FGF14: variants seen among roughly 807,000 people sequenced by gnomAD.
FGF14 encodes fibroblast growth factor homologous factor 4.
FGF14 carries 5 observed loss-of-function variants against 25.5 expected under a neutral mutation model. The observed-to-expected ratio is 0.20, with a 90% confidence interval of 0.10 to 0.41. The LOEUF is 0.41. Ranked by LOEUF, FGF14 falls within the 10% of genes least tolerant of loss-of-function variation. The pLI, the probability that FGF14 is intolerant of heterozygous loss-of-function variation, is 1.00. For missense variants in FGF14, 222 were observed against 320.1 expected, an observed-to-expected ratio of 0.69 and a Z score of 2.34; for synonymous variants, 138 against 118.3, an observed-to-expected ratio of 1.17 and a Z score of -1.08.
intron 1 of FGF14, among the ~76,000 whole-genome samples, chr13:101,904,057 G>A (rs919530811): frequency 6.6e-6 from 1 of 152,100 alleles, no homozygotes; most frequent in African/African-American, 2.4e-5. Flanking sequence ...ATTCATGAGG[G>A]ACTCTACACA....
At chr13:101,940,861 A>T (rs910802419) in intron 1 of FGF14, among the ~76,000 whole-genome samples, 5 of 152,202 alleles carry the variant, frequency 3.3e-5, no homozygotes, top group Non-Finnish European at 5.9e-5. Flanking sequence ...AGAATTTTTT[A>T]AAAAATATTT....
intron 1 of FGF14, among the ~76,000 whole-genome samples, chr13:102,148,295 T>G (rs2046937963): frequency 6.6e-6 from 1 of 152,190 alleles, no homozygotes; most frequent in Admixed American, 6.5e-5. Context: ...AATTATAAAA[T>G]CACTTTAATT....
chr13:102,298,687 A>T (rs1409836391), intron 1 of FGF14, among the ~76,000 whole-genome samples: 1 of 152,122 alleles, frequency 6.6e-6, no homozygotes, highest in Non-Finnish European at 1.5e-5. Context: ...TTGCCTAATT[A>T]TACTGTGCTG....
chr13:102,161,632 AAGAAGAAGAAGAAGAAGAAGAAGAAG>A lies in FGF14; in HGVS notation c.208+239813_208+239838del. ...GAAGAAGAAGAAGAAGAAGAAGAAG[AAGAAGAAGAAGAAGAAGAAGAAGAAG>A]AAGAAGAAGAAGAAGAAGAAGAAGA... On this transcript the variant is annotated intron_variant, in intron 1 of 4. Coordinates refer to the FGF14 transcript ENST00000376131. Among the ~76,000 whole-genome samples, 77 of 12,118 alleles carry A rather than the reference AAGAAGAAGAAGAAGAAGAAGAAGAAG, an allele frequency of 6.4e-3. 7 individuals carry two copies. Among genetic ancestry groups the A allele is most frequent in the African/African-American group, 0.029 (71 of 2,440 alleles). 7.9% of individuals were successfully genotyped at this position (12,118 alleles called of 152,430 possible).
chr13:102,135,157 A>G (rs2046359304), intron 1 of FGF14, among the ~76,000 whole-genome samples: 1 of 152,110 alleles, frequency 6.6e-6, no homozygotes. Flanking sequence ...ATAGTAAGCT[A>G]TGATCGCACC....
rs527747327 is a variant in FGF14, at chr13:102,000,250, C to T, written c.209-124954G>A. Among the ~76,000 whole-genome samples, 478 of 152,156 alleles carry T rather than the reference C, an allele frequency of 3.1e-3. 5 individuals carry two copies. The highest frequency in any genetic ancestry group is 0.011 in the African/African-American group (453 of 41,532). On this transcript the variant is annotated intron_variant, in intron 1 of 4. Transcript: ENST00000376131. ...AGGAGAATGGCTTGAACCTGGGAGG[C>T]GGAGCTTGCAGTGAGCTGAGATTGT... is the stretch of plus-strand genomic sequence containing the variant.
chr13:102,143,696 T>C (rs2046740433), intron 1 of FGF14, among the ~76,000 whole-genome samples: 1 of 152,166 alleles, frequency 6.6e-6, no homozygotes, highest in Non-Finnish European at 1.5e-5. Context: ...CTTGATAGAG[T>C]CAAATTGACT....
intron 1 of FGF14, among the ~76,000 whole-genome samples, chr13:102,178,156 A>G (rs972881422): frequency 6.6e-6 from 1 of 152,070 alleles, no homozygotes; most frequent in African/African-American, 2.4e-5. Flanking sequence ...AGAAAATACA[A>G]TGAAGGTTGG....
chr13:102,202,651 CATA>C (rs1396986358), intron 1 of FGF14, among the ~76,000 whole-genome samples: 1 of 152,184 alleles, frequency 6.6e-6, no homozygotes, highest in East Asian at 1.9e-4. Flanking sequence ...TTTGAAGCCT[CATA>C]ATGAGAGCCT....
intron 3 of FGF14, among the ~76,000 whole-genome samples, chr13:101,739,092 TATA>T (rs1431278163): frequency 1.2e-4 from 10 of 82,262 alleles, no homozygotes; most frequent in African/African-American, 2.4e-4. Flanking sequence ...TTTAACAGTA[TATA>T]TATATATATA....
chr13:101,915,937 A>C (rs2033432447), intron 1 of FGF14, among the ~76,000 whole-genome samples: 1 of 152,148 alleles, frequency 6.6e-6, no homozygotes, highest in Non-Finnish European at 1.5e-5. Context: ...CTCCTTCTAC[A>C]GCAGCTCCCG....
At chr13:102,312,800 C>T (rs2055838615) in intron 1 of FGF14, among the ~76,000 whole-genome samples, 1 of 152,172 alleles carries the variant, frequency 6.6e-6, no homozygotes, top group Admixed American at 6.6e-5. Context: ...TTTCTGCTAT[C>T]AACAACATCC....
intron 1 of FGF14, among the ~76,000 whole-genome samples, chr13:102,353,462 C>T (rs1373663790): frequency 6.6e-6 from 1 of 152,202 alleles, no homozygotes; most frequent in Non-Finnish European, 1.5e-5. Flanking sequence ...AGATACCCAA[C>T]TGCCTTCTGA....
At chr13:102,392,042 AG>A (rs1474750834) in intron 1 of FGF14, among the ~76,000 whole-genome samples, 1 of 152,232 alleles carries the variant, frequency 6.6e-6, no homozygotes, top group African/African-American at 2.4e-5. Flanking sequence ...TGCTCCACAC[AG>A]GAAGTGGAAA....
At chr13:101,995,269 A>G (rs2039121661) in intron 1 of FGF14, among the ~76,000 whole-genome samples, 2 of 152,098 alleles carry the variant, frequency 1.3e-5, no homozygotes, top group African/African-American at 2.4e-5. Flanking sequence ...GTGCCACTCA[A>G]TATAAGATGG....
At chr13:102,245,911 A>G (rs1040009610) in intron 1 of FGF14, among the ~76,000 whole-genome samples, 1 of 152,150 alleles carries the variant, frequency 6.6e-6, no homozygotes, top group African/African-American at 2.4e-5. Flanking sequence ...ACACAAACTT[A>G]GCAGCTTACA....
At chr13:102,220,700 C>CT (rs1309373722) in intron 1 of FGF14, among the ~76,000 whole-genome samples, 4 of 152,216 alleles carry the variant, frequency 2.6e-5, no homozygotes, top group Non-Finnish European at 5.9e-5. Flanking sequence ...GCTGTACCTT[C>CT]TCTTGGCATC....
intron 1 of FGF14, among the ~76,000 whole-genome samples, chr13:102,333,811 C>T (rs568209885): frequency 1.8e-4 from 27 of 152,254 alleles, no homozygotes; most frequent in Admixed American, 6.5e-5. Flanking sequence ...TAATCACCAG[C>T]GTGTAAAGGG....
chr13:101,809,541 T>C (rs1315863286), intron 3 of FGF14, among the ~76,000 whole-genome samples: 1 of 152,088 alleles, frequency 6.6e-6, no homozygotes, highest in African/African-American at 2.4e-5. Flanking sequence ...CTATTACCAA[T>C]TGAGAGGACA....
Sources: gnomAD v4.1 joint callset for allele counts (sites outside exome capture counted in the v4.1 genomes callset) on GRCh38, gnomAD v4.1.1 for gene constraint, MANE v1.5 for transcripts, NCBI Gene and HGNC (gene_info 2026-07-23, HGNC 2026-07-21) for gene names.